COL17A1: variants seen among roughly 807,000 people sequenced by gnomAD.
COL17A1 encodes collagen alpha-1(XVII) chain.
Under a neutral mutation model 218.4 loss-of-function variants are expected in COL17A1, and 181 were observed. The observed-to-expected ratio is 0.83, with a 90% CI of 0.73 to 0.94. The LOEUF (loss-of-function observed/expected upper bound fraction) is 0.94. Ranked by LOEUF, COL17A1 falls within the 40% of genes least tolerant of loss-of-function variation. COL17A1 has a pLI of 0.00. For synonymous variants in COL17A1, 721 were observed against 731.0 expected (o/e 0.99, Z 0.22); for missense variants, 1,924 against 1,945.9 (o/e 0.99, Z 0.21).
rs375706395 is a variant in COL17A1 at position 104,032,740 on chromosome 10, C to A, written c.4372G>T (p.Ala1458Ser). The change falls in exon 55 of 56, where the codon GCT becomes TCT. Residue 1458 changes from alanine (A) to serine (S), a missense_variant. Transcript: ENST00000648076. ...TPGPKGDRGP[A>S]GPPGHPGPPG... is the part of the protein sequence containing the mutation. Reference sequence around the variant, plus strand: ...GGCCCAGGATGACCTGGTGGCCCAGCAGGGCCCCTGTCACCTGGAAGGAAA... The same window carrying A: ...GGCCCAGGATGACCTGGTGGCCCAGAAGGGCCCCTGTCACCTGGAAGGAAA... 1.2e-6 allele frequency: 2 copies of A among 1,614,060 alleles called. No individual in the cohort carries two copies. Among genetic ancestry groups the A allele is most frequent in the African/African-American group, 2.7e-5 (2 of 74,930 alleles).
chr10:104,063,634 T>C (rs1402660097), intron 11 of COL17A1, 113 bp downstream of exon 11: 11 of 1,499,456 alleles, frequency 7.3e-6, no homozygotes, highest in South Asian at 2.4e-5. Flanking sequence ...CCTGTGCCTC[T>C]GCTTCTGAGC....
chr10:104,055,323 T>G, intron 19 of COL17A1, 49 bp downstream of exon 19: 1 of 1,613,950 alleles, frequency 6.2e-7, no homozygotes, highest in Non-Finnish European at 8.5e-7. Flanking sequence ...AAAACTCACT[T>G]CCAACTGCAG....
intron 27 of COL17A1, 52 bp downstream of exon 27, chr10:104,050,569 C>T (rs1167312105): frequency 6.6e-5 from 106 of 1,612,256 alleles, no homozygotes; most frequent in Non-Finnish European, 8.3e-5. Context: ...CATCTGGGCT[C>T]CCAGGAGTGA....
intron 52 of COL17A1, among the ~76,000 whole-genome samples, 187 bp from the exon 53 acceptor site, chr10:104,033,562 G>A (rs1844720377): frequency 6.6e-6 from 1 of 152,222 alleles, no homozygotes; most frequent in Non-Finnish European, 1.5e-5. Flanking sequence ...TTCCTGCTGT[G>A]GGCCGGCATC....
chr10:104,065,101 C>G (rs1398099765), intron 9 of COL17A1, among the ~76,000 whole-genome samples: 2 of 152,228 alleles, frequency 1.3e-5, no homozygotes, highest in African/African-American at 4.8e-5. Context: ...TGGCAGCCTT[C>G]TCTGGTTCCA....
intron 20 of COL17A1, among the ~76,000 whole-genome samples, 185 bp downstream of exon 20, chr10:104,054,796 A>G (rs2134614938): frequency 6.6e-6 from 1 of 152,312 alleles, no homozygotes; most frequent in Non-Finnish European, 1.5e-5. Flanking sequence ...AGCTGGACCA[A>G]GGAAAACTGC....
chr10:104,050,028 G>A lies in COL17A1; in HGVS notation c.2164+61C>T, dbSNP rs2086452218. The A allele has an allele frequency of 5.6e-6, 9 of 1,612,626 alleles. No individual in the cohort carries two copies. The Admixed American group carries it at 1.5e-4, about 27-fold the overall frequency. On this transcript the variant is annotated intron_variant, in intron 28 of 55. Coordinates refer to ENST00000648076, the MANE Select transcript of COL17A1 (RefSeq NM_000494.4). The stretch of plus-strand genomic sequence containing the variant: ...TTACTTCTGGATTTTTTCCAACCTA[G>A]TGACTGATGGATTTACAAAAGTCGT...
intron 9 of COL17A1, among the ~76,000 whole-genome samples, chr10:104,069,827 G>A (rs1231933297): frequency 6.6e-6 from 1 of 151,826 alleles, no homozygotes; most frequent in African/African-American, 2.4e-5. Flanking sequence ...AGCTGCCAAG[G>A]TCCCTATCAA....
intron 1 of COL17A1, among the ~76,000 whole-genome samples, chr10:104,083,178 C>A (rs561168295): frequency 6.6e-6 from 1 of 152,270 alleles, no homozygotes; most frequent in African/African-American, 2.4e-5. Context: ...TCCCATGGGA[C>A]CTACAGTATA....
intron 29 of COL17A1, 34 bp from the exon 30 acceptor site, chr10:104,048,138 C>G: frequency 6.2e-7 from 1 of 1,613,028 alleles, no homozygotes; most frequent in Non-Finnish European, 8.5e-7. Flanking sequence ...CTCAGTTGCT[C>G]CTGGAGTGAT....
rs748736407 is a variant in COL17A1, at chr10:104,050,157, A to G, written c.2129-33T>C. 7 of 1,613,812 alleles carry G rather than the reference A, an allele frequency of 4.3e-6. 1 individual carries two copies. In the East Asian group the frequency reaches 1.6e-4, roughly 36 times the overall value. ...AAACAAGGGGGAGGTGGAAAAAGCC[A>G]CAGTTGTGAGCAAGGAAAACACTCT... On this transcript the variant is annotated intron_variant, in intron 27 of 55. Transcript: ENST00000648076.
intron 35 of COL17A1, among the ~76,000 whole-genome samples, chr10:104,042,670 C>T (rs1301489652): frequency 6.6e-6 from 1 of 152,210 alleles, no homozygotes. Context: ...GGGACTGCCC[C>T]CTCTGCTGCT....
chr10:104,048,192 A>G (rs753132357), intron 29 of COL17A1, 88 bp from the exon 30 acceptor site: 10 of 1,452,236 alleles, frequency 6.9e-6, no homozygotes, highest in Middle Eastern at 1.7e-4. Flanking sequence ...CTTGAAGCAC[A>G]TTGTGTCCCA....
rs776796314 is a variant in COL17A1, at chr10:104,034,252, G to A, written c.3849C>T (p.Ser1283=). ...TACCCCGACTGTGGGAGGCATCCGT[G>A]GACAGGAGGCGGCTGTCCCCAGGGG... ...QGPPGDSRLL[S]TDASHSRGSS... Residue 1283 remains serine (S), a synonymous_variant, in exon 52 of 56, where the codon TCC becomes TCT. Coordinates refer to ENST00000648076, the MANE Select transcript of COL17A1 (RefSeq NM_000494.4). 1 of 1,608,680 alleles carries A rather than the reference G, an allele frequency of 6.2e-7. No individual in the cohort carries two copies. The highest frequency in any genetic ancestry group is 8.5e-7 in the Non-Finnish European group (1 of 1,178,528).
intron 16 of COL17A1, 54 bp downstream of exon 16, chr10:104,058,092 C>T: frequency 6.2e-7 from 1 of 1,611,734 alleles, no homozygotes; most frequent in Non-Finnish European, 8.5e-7. Context: ...GGTCCATTAG[C>T]CATAAGCAGC....
intron 18 of COL17A1, 96 bp downstream of exon 18, chr10:104,055,686 G>A (rs918910529): frequency 4.0e-5 from 61 of 1,516,656 alleles, no homozygotes; most frequent in Admixed American, 1.1e-4. Flanking sequence ...AGAGTGGGCC[G>A]GATGATGGTG....
chr10:104,036,940 C>T (rs1377754541), intron 47 of COL17A1, 105 bp downstream of exon 47: 1 of 1,111,638 alleles, frequency 9.0e-7, no homozygotes, highest in African/African-American at 1.5e-5. Context: ...CTGCCTCCCT[C>T]TTGCAGCCCT....
chr10:104,041,226 G>C, intron 38 of COL17A1, 77 bp downstream of exon 38: 2 of 1,592,922 alleles, frequency 1.3e-6, no homozygotes, highest in Non-Finnish European at 1.7e-6. Flanking sequence ...AGCCCAGAGG[G>C]CCCTGGGCTC....
At chr10:104,050,540 G>T in intron 27 of COL17A1, 81 bp downstream of exon 27, 1 of 1,607,816 alleles carries the variant, frequency 6.2e-7, no homozygotes, top group South Asian at 1.1e-5. Context: ...TGCACCCTCA[G>T]ACCCTACAGT....
Sources: gnomAD v4.1 joint callset for allele counts (sites outside exome capture counted in the v4.1 genomes callset) on GRCh38, gnomAD v4.1.1 for gene constraint, MANE v1.5 for transcripts, NCBI Gene and HGNC (gene_info 2026-07-23, HGNC 2026-07-21) for gene names.